DENND5A: variants seen among roughly 807,000 people sequenced by gnomAD.
DENND5A encodes DENN domain containing 5A.
In DENND5A, 64 loss-of-function variants were observed where a neutral mutation model predicts 140.3. That is an observed-to-expected ratio of 0.46 (90% confidence interval 0.37 to 0.56). The LOEUF (loss-of-function observed/expected upper bound fraction) is 0.56. Ranked by LOEUF, DENND5A falls within the 20% of genes least tolerant of loss-of-function variation. The probability of loss-of-function intolerance (pLI) is 0.00; values close to 1 mark genes in which losing one functional copy is unlikely to be tolerated. For synonymous variants in DENND5A, 605 were observed against 607.7 expected, an observed-to-expected ratio of 1.00 and a Z score of 0.07; for missense variants, 1,292 against 1,593.8, an observed-to-expected ratio of 0.81 and a Z score of 3.22.
chr11:9,205,144 ACTT>A (rs1849653540), intron 3 of DENND5A, among the ~76,000 whole-genome samples: 1 of 152,176 alleles, frequency 6.6e-6, no homozygotes, highest in Non-Finnish European at 1.5e-5. Context: ...CATTAGTAAA[ACTT>A]CTTTTCACAT....
chr11:9,215,903 T>C (rs942679583), intron 1 of DENND5A, among the ~76,000 whole-genome samples: 2 of 152,098 alleles, frequency 1.3e-5, no homozygotes, highest in Non-Finnish European at 2.9e-5. Context: ...CTCTTCCAAA[T>C]ATAGTGAGCT....
Position 9,164,498 on chromosome 11 carries a change from G to A in DENND5A, c.2283+1338C>T, listed in dbSNP as rs567702638. On this transcript the variant is annotated intron_variant, in intron 11 of 22. Coordinates refer to ENST00000328194, the MANE Select transcript of DENND5A (RefSeq NM_015213.4). The stretch of plus-strand genomic sequence containing the variant: ...TATTCCATTGATAAATAAATAGGAT[G>A]TAGTAGAGACTGAGTTAGTTGAAAT... Among the ~76,000 whole-genome samples the A allele has an allele frequency of 1.3e-4, 20 of 152,230 alleles. 1 individual carries two copies. In the South Asian group the frequency reaches 3.9e-3, roughly 30 times the overall value.
intron 1 of DENND5A, among the ~76,000 whole-genome samples, chr11:9,229,342 T>C (rs950124265): frequency 3.3e-5 from 5 of 151,960 alleles, no homozygotes; most frequent in Non-Finnish European, 5.9e-5. Context: ...ATGCATGGTA[T>C]TGAGGCTCAA....
At chr11:9,179,144 A>AT (rs748835298) in intron 6 of DENND5A, 71 bp from the exon 7 acceptor site, 5 of 1,383,716 alleles carry the variant, frequency 3.6e-6, no homozygotes, top group East Asian at 2.3e-5. Context: ...GCAATTCCTG[A>AT]TTTTTTTATC....
At chr11:9,152,306 G>T in intron 13 of DENND5A, 52 bp downstream of exon 13, 1 of 1,320,624 alleles carries the variant, frequency 7.6e-7, no homozygotes, top group Non-Finnish European at 1.1e-6. Flanking sequence ...ACGCCAGTGG[G>T]TGATGGAAAA....
At position 9,178,892 on chromosome 11, in the gene DENND5A, A is replaced by T; in HGVS notation, c.1637T>A (p.Phe546Tyr). ...IQPSQDKESW[F>Y]TNREQMQNFD... The stretch of plus-strand genomic sequence containing the variant: ...GTTTTGCATTTGCTCCCTGTTGGTA[A>T]ACCAGGATTCCTTATCCTGGCTGGG... The change falls in exon 7 of 23, where the codon TTT (phenylalanine) becomes TAT (tyrosine). Residue 546 changes from phenylalanine (F) to tyrosine (Y), a missense_variant. Physicochemically the swap from Phe to Tyr is conservative, Grantham distance 22. Coordinates refer to ENST00000328194, the MANE Select transcript of DENND5A (RefSeq NM_015213.4). 6.2e-7 allele frequency: 1 copy of T among 1,614,092 alleles called. No homozygotes were observed. The highest frequency in any genetic ancestry group is 8.5e-7 in the Non-Finnish European group (1 of 1,180,012).
At chr11:9,252,662 A>C (rs1851781128) in intron 1 of DENND5A, among the ~76,000 whole-genome samples, 1 of 152,042 alleles carries the variant, frequency 6.6e-6, no homozygotes, top group Admixed American at 6.6e-5. Flanking sequence ...AAAAACCAAA[A>C]AACTGAATTC....
rs760819419 is a variant in DENND5A at position 9,180,829 on chromosome 11, CCTT to C, written c.1390_1392del (p.Lys464del). ...TGCAGCCGGGCAATAGTTTCATTCT[CCTT>C]AAGAAGCTCGTAGGAATGCAAAGGG... is the stretch of plus-strand genomic sequence containing the variant. On this transcript the variant is annotated inframe_deletion, in exon 6 of 23. Transcript: ENST00000328194. 1.2e-6 allele frequency: 2 copies of C among 1,614,208 alleles called. No homozygotes were observed. The highest frequency in any genetic ancestry group is 1.7e-6 in the Non-Finnish European group (2 of 1,180,040).
intron 11 of DENND5A, among the ~76,000 whole-genome samples, chr11:9,163,234 A>C (rs143302213): frequency 0.01 from 1,533 of 152,300 alleles, 31 homozygotes; most frequent in Non-Finnish European, 9.8e-3. Flanking sequence ...ACATGCTCCA[A>C]AAGTTTCTCT....
chr11:9,230,434 T>C (rs1406258159), intron 1 of DENND5A, among the ~76,000 whole-genome samples: 1 of 151,442 alleles, frequency 6.6e-6, no homozygotes, highest in African/African-American at 2.4e-5. Context: ...GCAGACAGGT[T>C]CTCACCGTTT....
chr11:9,180,864 G>A lies in DENND5A; in HGVS notation c.1358C>T (p.Ala453Val), dbSNP rs778593688. 1.2e-6 allele frequency: 2 copies of A among 1,614,208 alleles called. No homozygotes were observed. Among genetic ancestry groups the A allele is most frequent in the Admixed American group, 1.7e-5 (1 of 60,026 alleles). ...LVSDKRNGNI[A>V]GSPLHSYELL... ...CTCGTAGGAATGCAAAGGGGAGCCAGCAATGTTCCCATTCCTCTTGTCCGA... is the reference window on the plus strand; with the variant it reads ...CTCGTAGGAATGCAAAGGGGAGCCAACAATGTTCCCATTCCTCTTGTCCGA... The change falls in exon 6 of 23, where the codon GCT becomes GTT. Residue 453 changes from alanine (A) to valine (V), a missense_variant. Ala to Val is a moderately conservative substitution (Grantham distance 64). Coordinates refer to ENST00000328194, the MANE Select transcript of DENND5A (RefSeq NM_015213.4).
chr11:9,145,311 ACT>A (rs1847390961), intron 17 of DENND5A, 198 bp from the exon 18 acceptor site: 1 of 594,674 alleles, frequency 1.7e-6, no homozygotes, highest in Admixed American at 3.0e-5. Context: ...GAAAGAAAAC[ACT>A]CTACCTAGAA....
intron 1 of DENND5A, among the ~76,000 whole-genome samples, chr11:9,245,143 G>A (rs1175470443): frequency 1.3e-5 from 2 of 151,780 alleles, no homozygotes; most frequent in African/African-American, 4.8e-5. Context: ...AAATTAGCTG[G>A]GCATGGTGGC....
In DENND5A at chr11:9,158,750, A is replaced by G. The variant is rs1056511038; in HGVS notation, c.2436+1963T>C. 2.0e-5 allele frequency among the ~76,000 whole-genome samples: 3 copies of G among 152,296 alleles called. No homozygotes were observed. The South Asian group carries it at 6.2e-4, about 32-fold the overall frequency. ...TATCATCTAAAAATTAGTTAAGGACATAGAAAAGATATGAGATAAAAACAA... is the reference window on the plus strand; with the variant it reads ...TATCATCTAAAAATTAGTTAAGGACGTAGAAAAGATATGAGATAAAAACAA... On this transcript the variant is annotated intron_variant, in intron 12 of 22. Coordinates refer to ENST00000328194, the MANE Select transcript of DENND5A (RefSeq NM_015213.4).
At chr11:9,228,663 G>A (rs1024904581) in intron 1 of DENND5A, among the ~76,000 whole-genome samples, 27 of 151,182 alleles carry the variant, frequency 1.8e-4, no homozygotes, top group African/African-American at 6.3e-4. Context: ...AGGTTGCAGT[G>A]AGCCGAGATC....
intron 20 of DENND5A, chr11:9,143,112 A>G (rs1208658551): frequency 5.1e-6 from 3 of 588,736 alleles, no homozygotes; most frequent in Non-Finnish European, 9.0e-6. Context: ...TGTGGCCACT[A>G]TTCAAGGAGA....
chr11:9,258,528 T>C (rs1300182419), intron 1 of DENND5A, among the ~76,000 whole-genome samples: 4 of 152,176 alleles, frequency 2.6e-5, no homozygotes, highest in Non-Finnish European at 4.4e-5. Flanking sequence ...CTCTTACTGA[T>C]GGACATTTGA....
At chr11:9,149,370 T>A (rs1008422017) in intron 15 of DENND5A, among the ~76,000 whole-genome samples, 5 of 152,220 alleles carry the variant, frequency 3.3e-5, no homozygotes, top group African/African-American at 1.2e-4. Context: ...CCAAGCAACA[T>A]GCTCAGCCTT....
rs762178394 is a variant in DENND5A, at chr11:9,204,111, A to T, written c.498T>A (p.Ala166=). 6.2e-7 allele frequency: 1 copy of T among 1,613,932 alleles called. No individual in the cohort carries two copies. The highest frequency in any genetic ancestry group is 1.1e-5 in the South Asian group (1 of 91,056). The change falls in exon 4 of 23, where the codon GCT becomes GCA. Residue 166 remains alanine, a synonymous_variant. Transcript: ENST00000328194. ...MHNAEYDVLH[A]PPADDRDQSS... ...TCTGGTCTCTGTCATCAGCAGGGGG[A>T]GCATGTAGGACATCATACTCAGCAT...
Sources: gnomAD v4.1 joint callset for allele counts (sites outside exome capture counted in the v4.1 genomes callset) on GRCh38, gnomAD v4.1.1 for gene constraint, MANE v1.5 for transcripts, NCBI Gene and HGNC (gene_info 2026-07-23, HGNC 2026-07-21) for gene names.